Variants in SAMD12 observed in about 807,000 individuals in gnomAD.
SAMD12 encodes the protein sterile alpha motif domain-containing protein 12.
SAMD12 carries 9 observed loss-of-function variants against 15.0 expected under a neutral mutation model. The observed-to-expected ratio is 0.60, with a 90% CI of 0.36 to 1.05. SAMD12 has a LOEUF of 1.05. Among genes scored for constraint, SAMD12 ranks in the 50% least tolerant of loss-of-function variants. The pLI, the probability that SAMD12 is intolerant of heterozygous loss-of-function variation, is 0.01. For synonymous variants in SAMD12, 86 were observed against 90.1 expected (o/e 0.96, Z 0.25); for missense variants, 230 against 234.2 (o/e 0.98, Z 0.12).
intron 2 of SAMD12, 44 bp downstream of exon 2, chr8:118,580,671 G>T (rs751747854): frequency 1.4e-6 from 2 of 1,438,500 alleles, no homozygotes; most frequent in East Asian, 2.3e-5. Flanking sequence ...ACATATAAAG[G>T]CTGCAGCTTT....
the SAMD12 span, among the ~76,000 whole-genome samples, chr8:118,140,840 C>CAACTTGGAA: frequency 6.6e-6 from 1 of 152,158 alleles, no homozygotes. Context: ...TTCCCTGAAG[C>CAACTTGGAA]AACTTGGGAA....
chr8:118,474,346 C>T (rs1586746479), intron 2 of SAMD12, among the ~76,000 whole-genome samples: 1 of 152,238 alleles, frequency 6.6e-6, no homozygotes, highest in East Asian at 1.9e-4. Flanking sequence ...ATCTAATGAA[C>T]ACCTAAATCA....
intron 3 of SAMD12, among the ~76,000 whole-genome samples, chr8:118,390,109 C>T (rs1269991316): frequency 6.6e-6 from 1 of 152,070 alleles, no homozygotes; most frequent in African/African-American, 2.4e-5. Context: ...TGGGTTCATG[C>T]CATTCTCCTG....
intron 2 of SAMD12, among the ~76,000 whole-genome samples, chr8:118,567,715 CAATT>C (rs955394665): frequency 1.8e-4 from 27 of 152,182 alleles, no homozygotes; most frequent in Non-Finnish European, 1.2e-4. Context: ...AGCTTATGTG[CAATT>C]AATTATCATT....
the SAMD12 span, among the ~76,000 whole-genome samples, chr8:118,183,704 G>T: frequency 6.6e-6 from 1 of 152,160 alleles, no homozygotes; most frequent in South Asian, 2.1e-4. Flanking sequence ...AGCTTTAGGG[G>T]TACAAGTGGT....
chr8:118,284,102 C>T (rs1263841812), intron 4 of SAMD12, among the ~76,000 whole-genome samples: 3 of 152,288 alleles, frequency 2.0e-5, no homozygotes, highest in Non-Finnish European at 4.4e-5. Context: ...AATCTTCCTT[C>T]CACCAAGCTC....
intron 2 of SAMD12, among the ~76,000 whole-genome samples, chr8:118,531,311 A>G (rs1000080735): frequency 2.6e-5 from 4 of 152,170 alleles, no homozygotes; most frequent in African/African-American, 4.8e-5. Flanking sequence ...TACCAGTACT[A>G]TGCTGTTTTG....
chr8:118,261,228 T>C (rs1369878910), intron 4 of SAMD12, among the ~76,000 whole-genome samples: 1 of 152,136 alleles, frequency 6.6e-6, no homozygotes, highest in Admixed American at 6.6e-5. Context: ...CTGCTGTACT[T>C]TGTCATTTTC....
chr8:118,149,073 T>G, the SAMD12 span, among the ~76,000 whole-genome samples: 1 of 152,200 alleles, frequency 6.6e-6, no homozygotes, highest in Non-Finnish European at 1.5e-5. Flanking sequence ...TGCTGGGTCA[T>G]ATGGTAAATG....
chr8:118,232,585 A>C (rs1812337758), intron 4 of SAMD12, among the ~76,000 whole-genome samples: 1 of 152,150 alleles, frequency 6.6e-6, no homozygotes, highest in South Asian at 2.1e-4. Context: ...CTCCAGCTTT[A>C]GCAGAGTTAA....
chr8:118,209,778 T>A (rs1402891007), intron 4 of SAMD12, among the ~76,000 whole-genome samples: 1 of 152,234 alleles, frequency 6.6e-6, no homozygotes, highest in Admixed American at 6.5e-5. Context: ...CTTAGTTGAT[T>A]TCCTTATTCC....
At chr8:118,515,350 C>T (rs61279189) in intron 2 of SAMD12, among the ~76,000 whole-genome samples, 6 of 151,950 alleles carry the variant, frequency 3.9e-5, no homozygotes, top group African/African-American at 1.5e-4. Flanking sequence ...GCTCCAGCCA[C>T]GTAAGATGCG....
chr8:118,329,890 C>T (rs1221295816), intron 4 of SAMD12, among the ~76,000 whole-genome samples: 4 of 151,966 alleles, frequency 2.6e-5, no homozygotes, highest in African/African-American at 9.7e-5. Context: ...TGTGAACTTC[C>T]TCCAACATCT....
At chr8:118,182,128 G>A in the SAMD12 span, among the ~76,000 whole-genome samples, 1 of 152,160 alleles carries the variant, frequency 6.6e-6, no homozygotes, top group African/African-American at 2.4e-5. Context: ...CAGGGAAAGT[G>A]TCTACTGCTT....
chr8:118,318,317 T>TAC, intron 4 of SAMD12, among the ~76,000 whole-genome samples: 1 of 9,122 alleles, frequency 1.1e-4, no homozygotes, highest in African/African-American at 2.7e-4. Context: ...TGTGTATATA[T>TAC]ATATATATAT....
chr8:118,226,703 A>T (rs2451135), intron 4 of SAMD12, among the ~76,000 whole-genome samples: 80,618 of 152,088 alleles, frequency 0.53, 25,977 homozygotes, highest in Non-Finnish European at 0.74. Context: ...GTAAAGAAAA[A>T]TAATTAGAAT....
At chr8:118,259,403 G>T (rs1030179863) in intron 4 of SAMD12, among the ~76,000 whole-genome samples, 1 of 152,116 alleles carries the variant, frequency 6.6e-6, no homozygotes, top group Non-Finnish European at 1.5e-5. Context: ...CAGTGGGGTA[G>T]TGCCAATGGC....
chr8:118,602,668 A>G (rs1827889229), intron 1 of SAMD12, among the ~76,000 whole-genome samples: 1 of 152,210 alleles, frequency 6.6e-6, no homozygotes, highest in Non-Finnish European at 1.5e-5. Context: ...AGAACTAAAC[A>G]GTCTGATGTA....
intron 3 of SAMD12, among the ~76,000 whole-genome samples, chr8:118,433,511 G>A (rs1467827413): frequency 6.6e-6 from 1 of 151,132 alleles, no homozygotes; most frequent in Admixed American, 6.6e-5. Context: ...TCAAGAAAAC[G>A]AAGTTCAGTA....
Sources: gnomAD v4.1 joint callset for allele counts (sites outside exome capture counted in the v4.1 genomes callset) on GRCh38, gnomAD v4.1.1 for gene constraint, MANE v1.5 for transcripts, NCBI Gene and HGNC (gene_info 2026-07-23, HGNC 2026-07-21) for gene names.